The following SYCP2L variants were observed in gnomAD, a reference collection of about 807,000 sequenced individuals.
The protein encoded by SYCP2L is synaptonemal complex protein 2 like.
SYCP2L carries 98 observed loss-of-function variants against 125.8 expected under a neutral mutation model. The ratio of observed to expected loss-of-function variants is 0.78; its 90% confidence interval spans 0.66 to 0.92. The LOEUF (loss-of-function observed/expected upper bound fraction) is 0.92, where lower values mean the gene tolerates loss of function less well. Ranked by LOEUF, SYCP2L falls within the 40% of genes least tolerant of loss-of-function variation. SYCP2L has a pLI of 0.00. For missense variants in SYCP2L, 842 were observed against 936.4 expected, an observed-to-expected ratio of 0.90 and a Z score of 1.32; for synonymous variants, 317 against 325.4, an observed-to-expected ratio of 0.97 and a Z score of 0.28.
At chr6:10,903,432 C>T (rs1780422640) in intron 8 of SYCP2L, among the ~76,000 whole-genome samples, 1 of 152,284 alleles carries the variant, frequency 6.6e-6, no homozygotes, top group South Asian at 2.1e-4. Context: ...CCTGTAGTCC[C>T]AGCTACTCAG....
intron 29 of SYCP2L, 95 bp downstream of exon 29, chr6:10,963,938 C>A: frequency 2.3e-5 from 19 of 835,802 alleles, no homozygotes; most frequent in Non-Finnish European, 3.3e-5. Context: ...GTTCATATGA[C>A]ATTTCTGCAG....
chr6:10,944,918 TGGC>T (rs974124644), intron 23 of SYCP2L, among the ~76,000 whole-genome samples: 5 of 152,208 alleles, frequency 3.3e-5, no homozygotes, highest in African/African-American at 1.2e-4. Flanking sequence ...TTCGCCATGT[TGGC>T]CAGGCTGGTC....
intron 14 of SYCP2L, among the ~76,000 whole-genome samples, chr6:10,916,621 A>C (rs1400671883): frequency 1.3e-5 from 2 of 152,172 alleles, no homozygotes; most frequent in South Asian, 4.1e-4. Flanking sequence ...ATGTATTTGC[A>C]TGGTTTTGAA....
intron 28 of SYCP2L, among the ~76,000 whole-genome samples, chr6:10,962,308 A>ATATATTCCTATGC (rs1781608331): frequency 1.0e-5 from 1 of 96,000 alleles, no homozygotes; most frequent in Non-Finnish European, 2.2e-5. Context: ...ATTCCAAAGC[A>ATATATTCCTATGC]AAAAAAAAAA....
At chr6:10,956,010 C>A in intron 24 of SYCP2L, 126 bp from the exon 25 acceptor site, 1 of 704,606 alleles carries the variant, frequency 1.4e-6, no homozygotes, top group Non-Finnish European at 2.4e-6. Flanking sequence ...TCCAGGCAGT[C>A]AGCGGGGCTT....
chr6:10,960,482 T>C (rs1307143884), intron 26 of SYCP2L, among the ~76,000 whole-genome samples: 2 of 152,112 alleles, frequency 1.3e-5, no homozygotes, highest in Non-Finnish European at 2.9e-5. Flanking sequence ...CATTGAAACA[T>C]TTGACCTAAT....
At chr6:10,957,321 G>A (rs552214838) in intron 25 of SYCP2L, among the ~76,000 whole-genome samples, 7 of 152,286 alleles carry the variant, frequency 4.6e-5, no homozygotes, top group South Asian at 4.1e-4. Flanking sequence ...TTCAGTCTTC[G>A]TGAATTGTGG....
At chr6:10,895,820 A>G (rs13194859) in intron 4 of SYCP2L, among the ~76,000 whole-genome samples, 42,948 of 151,640 alleles carry the variant, frequency 0.28, 6,486 homozygotes, top group East Asian at 0.46. Context: ...CTGTGTTTGC[A>G]GACTGAACAC....
chr6:10,929,125 C>T (rs1780946939), intron 18 of SYCP2L, among the ~76,000 whole-genome samples: 1 of 152,106 alleles, frequency 6.6e-6, no homozygotes. Flanking sequence ...CTCCTGACCT[C>T]AGGTGATCAC....
chr6:10,897,499 C>T (rs1200590848), intron 4 of SYCP2L, among the ~76,000 whole-genome samples: 1 of 151,424 alleles, frequency 6.6e-6, no homozygotes, highest in Admixed American at 6.6e-5. Flanking sequence ...AAAGTGTTGA[C>T]CTTCTGGGGT....
chr6:10,923,800 C>A (rs921629882), intron 14 of SYCP2L, among the ~76,000 whole-genome samples: 2 of 151,862 alleles, frequency 1.3e-5, no homozygotes, highest in Admixed American at 6.6e-5. Context: ...TCTCCCGCCT[C>A]AGCCTCCCGA....
At chr6:10,896,376 G>C (rs1780258874) in intron 4 of SYCP2L, among the ~76,000 whole-genome samples, 1 of 152,166 alleles carries the variant, frequency 6.6e-6, no homozygotes, top group African/African-American at 2.4e-5. Context: ...TGATCAGATA[G>C]TGCAGCCTTT....
At chr6:10,920,620 T>C (rs1194716499) in intron 14 of SYCP2L, among the ~76,000 whole-genome samples, 2 of 152,140 alleles carry the variant, frequency 1.3e-5, no homozygotes, top group African/African-American at 4.8e-5. Flanking sequence ...TTTTTTATTT[T>C]CTTCAACTTT....
intron 24 of SYCP2L, among the ~76,000 whole-genome samples, 195 bp from the exon 25 acceptor site, chr6:10,955,941 G>A (rs867092399): frequency 6.6e-6 from 1 of 152,104 alleles, no homozygotes; most frequent in Admixed American, 6.5e-5. Context: ...CAGTTGCCCC[G>A]ATTTAAAGTG....
intron 26 of SYCP2L, among the ~76,000 whole-genome samples, chr6:10,960,951 G>A (rs1240923007): frequency 6.6e-6 from 1 of 152,098 alleles, no homozygotes; most frequent in South Asian, 2.1e-4. Flanking sequence ...GGTGGCACGC[G>A]CCTGTAGTCC....
At chr6:10,934,075 C>G (rs924953591) in intron 20 of SYCP2L, among the ~76,000 whole-genome samples, 3 of 152,076 alleles carry the variant, frequency 2.0e-5, no homozygotes, top group African/African-American at 7.2e-5. Context: ...TTGCTTTGAC[C>G]CTAGGACTTT....
intron 29 of SYCP2L, among the ~76,000 whole-genome samples, chr6:10,967,454 G>GGGGGGT (rs56098075): frequency 1.4e-5 from 2 of 138,838 alleles, no homozygotes; most frequent in South Asian, 2.4e-4. Context: ...TGGGGTAGAG[G>GGGGGGT]GTGTGTGTGT....
intron 1 of SYCP2L, among the ~76,000 whole-genome samples, chr6:10,887,533 G>A (rs1344553797): frequency 2.0e-5 from 3 of 152,026 alleles, no homozygotes; most frequent in South Asian, 2.1e-4. Flanking sequence ...GAACGACAAA[G>A]GACAGCCCCT....
rs545989035 is a variant in SYCP2L at position 10,962,906 on chromosome 6, GTTA to G, written c.2415-866_2415-864del. On this transcript the variant is annotated intron_variant, in intron 28 of 29. Coordinates refer to ENST00000283141, the MANE Select transcript of SYCP2L (RefSeq NM_001040274.3). ...TTTAAAAAGCAAATAATGTCTTAAT[GTTA>G]TTATTATTACCAAAATAATTTTGAC... Among the ~76,000 whole-genome samples the G allele has an allele frequency of 1.4e-3, 208 of 152,234 alleles. 1 individual carries two copies. Among genetic ancestry groups the G allele is most frequent in the African/African-American group, 4.8e-3 (200 of 41,538 alleles).
Sources: gnomAD v4.1 joint callset for allele counts (sites outside exome capture counted in the v4.1 genomes callset) on GRCh38, gnomAD v4.1.1 for gene constraint, MANE v1.5 for transcripts, NCBI Gene and HGNC (gene_info 2026-07-23, HGNC 2026-07-21) for gene names.